SGCD: variants seen among roughly 807,000 people sequenced by gnomAD.
SGCD encodes delta-sarcoglycan.
In SGCD, 18 loss-of-function variants were observed where a neutral mutation model predicts 36.6. The ratio of observed to expected loss-of-function variants is 0.49; its 90% CI spans 0.34 to 0.73. SGCD has a LOEUF of 0.73. SGCD is among the 30% of genes least tolerant of loss of function. SGCD has a pLI of 0.01. For missense variants in SGCD, 387 were observed against 346.7 expected (o/e 1.12, Z -0.92); for synonymous variants, 133 against 130.6 (o/e 1.02, Z -0.12).
At chr5:155,902,507 G>T (rs959716773) in intron 1 of SGCD, among the ~76,000 whole-genome samples, 2 of 151,940 alleles carry the variant, frequency 1.3e-5, no homozygotes, top group African/African-American at 4.8e-5. Context: ...TTTTATCAGG[G>T]TCATATAGTA....
At chr5:156,119,565 C>T (rs1761984580) in intron 2 of SGCD, among the ~76,000 whole-genome samples, 1 of 152,082 alleles carries the variant, frequency 6.6e-6, no homozygotes. Flanking sequence ...CCCAGTAGGA[C>T]CCAAATCTGT....
chr5:156,253,426 T>C (rs568109976), intron 3 of SGCD, among the ~76,000 whole-genome samples: 9 of 152,194 alleles, frequency 5.9e-5, no homozygotes, highest in Non-Finnish European at 1.2e-4. Context: ...TGTATCAGAA[T>C]AGGTCTCCAA....
At chr5:156,513,477 A>T (rs552663082) in intron 4 of SGCD, among the ~76,000 whole-genome samples, 4 of 152,282 alleles carry the variant, frequency 2.6e-5, no homozygotes, top group African/African-American at 7.2e-5. Flanking sequence ...TGTCATTTTT[A>T]TGTGGATCAT....
intron 3 of SGCD, among the ~76,000 whole-genome samples, chr5:156,258,100 A>C (rs568409939): frequency 1.8e-4 from 27 of 152,302 alleles, no homozygotes; most frequent in Non-Finnish European, 3.8e-4. Context: ...ATGTGAACAA[A>C]GTAAGCTTGT....
chr5:156,153,829 C>A lies in SGCD; in HGVS notation c.-44+29810C>A, dbSNP rs79163119. The stretch of plus-strand genomic sequence containing the variant: ...CAGTGAAATGAATTCATGGTTACAT[C>A]GTATGCATCAGTATTTTCAAAGCTC... On this transcript the variant is annotated intron_variant, in intron 3 of 9. Transcript: ENST00000517913. 3.5e-3 allele frequency among the ~76,000 whole-genome samples: 538 copies of A among 151,662 alleles called. 3 individuals are homozygous for A. Among genetic ancestry groups the A allele is most frequent in the Non-Finnish European group, 5.3e-3 (359 of 68,022 alleles).
intron 2 of SGCD, among the ~76,000 whole-genome samples, chr5:156,339,390 C>T (rs530686931): frequency 2.0e-5 from 3 of 152,076 alleles, no homozygotes; most frequent in Non-Finnish European, 4.4e-5. Flanking sequence ...ATTGTATGTG[C>T]CTTTGGAAAA....
At chr5:155,841,075 G>T in the SGCD span, among the ~76,000 whole-genome samples, 1 of 145,764 alleles carries the variant, frequency 6.9e-6, no homozygotes, top group Non-Finnish European at 1.5e-5. Flanking sequence ...TGCTACTTGG[G>T]CATTGTTTCT....
chr5:155,999,745 A>C (rs10068623), intron 1 of SGCD, among the ~76,000 whole-genome samples: 7,563 of 152,340 alleles, frequency 0.05, 627 homozygotes, highest in African/African-American at 0.17. Context: ...CCTGAAAGAC[A>C]GATGGGTAAA....
intron 7 of SGCD, among the ~76,000 whole-genome samples, chr5:156,695,506 TA>T (rs879706348): frequency 0.11 from 15,468 of 138,132 alleles, 1,418 homozygotes; most frequent in African/African-American, 0.28. Flanking sequence ...GATAGATAGA[TA>T]GATGGATAGA....
At chr5:156,698,153 G>A (rs1754391471) in intron 7 of SGCD, among the ~76,000 whole-genome samples, 1 of 152,108 alleles carries the variant, frequency 6.6e-6, no homozygotes, top group African/African-American at 2.4e-5. Flanking sequence ...TAGTCTAATA[G>A]GAACAGTAAA....
intron 3 of SGCD, among the ~76,000 whole-genome samples, chr5:156,434,062 T>G (rs769008282): frequency 8.5e-5 from 13 of 152,214 alleles, no homozygotes; most frequent in Admixed American, 3.3e-4. Context: ...GCTCATTGGC[T>G]AGGCCCAGGC....
chr5:156,266,124 TA>T (rs1325416759), intron 3 of SGCD, among the ~76,000 whole-genome samples: 1 of 152,236 alleles, frequency 6.6e-6, no homozygotes, highest in Non-Finnish European at 1.5e-5. Flanking sequence ...TATTTACATA[TA>T]AAAAGCTTGA....
chr5:156,723,022 C>T (rs17053838), intron 7 of SGCD, among the ~76,000 whole-genome samples: 14,356 of 152,210 alleles, frequency 0.094, 1,300 homozygotes, highest in African/African-American at 0.24. Context: ...ATTTAAAAAA[C>T]GAATATGCCT....
At chr5:155,912,156 G>A (rs1432389971) in intron 1 of SGCD, among the ~76,000 whole-genome samples, 2 of 152,036 alleles carry the variant, frequency 1.3e-5, no homozygotes, top group Admixed American at 1.3e-4. Context: ...TGACTTGTGT[G>A]CTCTTGAGCC....
chr5:155,746,172 C>T, the SGCD span, among the ~76,000 whole-genome samples: 16,904 of 152,136 alleles, frequency 0.11, 1,192 homozygotes, highest in South Asian at 0.25. Flanking sequence ...CAACTGCATA[C>T]ACTAACCTAA....
chr5:155,776,677 G>A, the SGCD span, among the ~76,000 whole-genome samples: 1 of 115,568 alleles, frequency 8.7e-6, no homozygotes, highest in Admixed American at 1.1e-4. Flanking sequence ...GCTTCACTAT[G>A]CAGGAAGCAG....
At chr5:156,643,954 A>G (rs1763136277) in intron 6 of SGCD, among the ~76,000 whole-genome samples, 3 of 152,120 alleles carry the variant, frequency 2.0e-5, no homozygotes, top group Admixed American at 2.0e-4. Flanking sequence ...TTTAAACCCA[A>G]CGATGATTTT....
intron 3 of SGCD, among the ~76,000 whole-genome samples, chr5:156,260,316 A>G (rs1765826015): frequency 6.6e-6 from 1 of 152,204 alleles, no homozygotes; most frequent in Non-Finnish European, 1.5e-5. Flanking sequence ...GGATTGCACC[A>G]AAGCTATATA....
chr5:155,895,501 G>C (rs906459344), intron 1 of SGCD, among the ~76,000 whole-genome samples: 1 of 152,140 alleles, frequency 6.6e-6, no homozygotes, highest in Non-Finnish European at 1.5e-5. Context: ...ACAGCCAGGG[G>C]TTCATGAAAT....
Sources: allele counts gnomAD v4.1 joint callset (sites outside exome capture counted in the v4.1 genomes callset), GRCh38; gene constraint gnomAD v4.1.1; transcripts MANE v1.5; gene names NCBI Gene and HGNC (gene_info 2026-07-23, HGNC 2026-07-21).